Variants in LDLRAP1 observed in about 807,000 individuals in gnomAD.
The protein encoded by LDLRAP1 is low density lipoprotein receptor adapter protein 1.
LDLRAP1 carries 30 observed loss-of-function variants against 37.8 expected under a neutral mutation model. That is an observed-to-expected ratio of 0.79 (90% CI 0.59 to 1.08). The LOEUF is 1.08. LDLRAP1 is among the 50% of genes least tolerant of loss of function. The pLI is 0.00. For synonymous variants in LDLRAP1, 156 were observed against 169.8 expected, an observed-to-expected ratio of 0.92 and a Z score of 0.63; for missense variants, 375 against 401.6, an observed-to-expected ratio of 0.93 and a Z score of 0.57.
At chr1:25,569,870 C>A (rs1442356473), downstream of LDLRAP1, among the ~76,000 whole-genome samples, 3 of 152,200 alleles carry the variant, frequency 2.0e-5, no homozygotes, top group Non-Finnish European at 2.9e-5. Context: ...AGCCGCCAAC[C>A]TGTGTGGCCC....
Position 25,554,794 on chromosome 1 carries a change from T to C in LDLRAP1, c.232-66T>C. On this transcript the variant is annotated intron_variant, in intron 2 of 8. Coordinates refer to ENST00000374338, the MANE Select transcript of LDLRAP1 (RefSeq NM_015627.3). This position sits in a 1 kb window ranked among gnomAD's most constrained non-coding sequence, Gnocchi z 5.4. Reference sequence around the variant, plus strand: ...TGCCTGGGGCTTAGGAACAGTGAAGTGTAAGCCATGAGGGTGGGTCTCAAG... The same window carrying C: ...TGCCTGGGGCTTAGGAACAGTGAAGCGTAAGCCATGAGGGTGGGTCTCAAG... 1 of 1,270,498 alleles carries C rather than the reference T, an allele frequency of 7.9e-7. No individual in the cohort carries two copies. Among genetic ancestry groups the C allele is most frequent in the Admixed American group, 1.8e-5 (1 of 54,550 alleles). 78.7% of individuals were successfully genotyped at this position (1,270,498 alleles called of 1,614,324 possible).
rs1324624068 is a variant in LDLRAP1, at chr1:25,555,577, G to A, written c.344+605G>A. On this transcript the variant is annotated intron_variant, in intron 3 of 8. Transcript: ENST00000374338. The surrounding 1 kb of genome is among the most constrained non-coding windows in gnomAD (Gnocchi z 4.7). Reference sequence around the variant, plus strand: ...GGAATTGCCTAAGGCTGCACAGTGAGGTAGTAGCTAAACTGGAACTAGGAT... The same window carrying A: ...GGAATTGCCTAAGGCTGCACAGTGAAGTAGTAGCTAAACTGGAACTAGGAT... 1.3e-5 allele frequency among the ~76,000 whole-genome samples: 2 copies of A among 152,206 alleles called. No individual in the cohort carries two copies. The highest frequency in any genetic ancestry group is 2.9e-5 in the Non-Finnish European group (2 of 68,040).
intron 6 of LDLRAP1, among the ~76,000 whole-genome samples, chr1:25,563,358 A>C (rs2044392601): frequency 6.6e-6 from 1 of 152,224 alleles, no homozygotes; most frequent in African/African-American, 2.4e-5. Context: ...TTTCTTCTAG[A>C]TATGTCCCTA....
the LDLRAP1 span, among the ~76,000 whole-genome samples, chr1:25,578,573 G>A: frequency 2.6e-5 from 4 of 152,006 alleles, no homozygotes; most frequent in Admixed American, 6.6e-5. Flanking sequence ...GCAGTGCAGT[G>A]GTGTGATCAT....
the LDLRAP1 span, among the ~76,000 whole-genome samples, chr1:25,575,598 A>AAAACAAAC: frequency 4.8e-4 from 73 of 152,174 alleles, no homozygotes; most frequent in African/African-American, 1.7e-3. Context: ...CTGTCTTACA[A>AAAACAAAC]AAACAAACAA....
At chr1:25,573,829 C>T (rs536293987), downstream of LDLRAP1, among the ~76,000 whole-genome samples, 41 of 152,356 alleles carry the variant, frequency 2.7e-4, no homozygotes, top group East Asian at 6.7e-3. Flanking sequence ...GAGCCAGGCT[C>T]ATTCATCCAA....
Position 25,555,737 on chromosome 1 carries a change from G to C in LDLRAP1, c.344+765G>C, listed in dbSNP as rs1389936867. 6.6e-6 allele frequency among the ~76,000 whole-genome samples: 1 copy of C among 152,132 alleles called. No individual in the cohort carries two copies. The highest frequency in any genetic ancestry group is 2.1e-4 in the South Asian group (1 of 4,816). On this transcript the variant is annotated intron_variant, in intron 3 of 8. Transcript: ENST00000374338. The surrounding 1 kb of genome is among the most constrained non-coding windows in gnomAD (Gnocchi z 4.7). ...AGGGTCAGTAGATGTGTGTTGTGGG[G>C]GTCTGGCTGATGTCTTCCTCTCACC...
rs1208679485 is a variant in LDLRAP1 at position 25,554,421 on chromosome 1, G to C, written c.231+357G>C. 6.6e-6 allele frequency among the ~76,000 whole-genome samples: 1 copy of C among 152,168 alleles called. No individual in the cohort carries two copies. Among genetic ancestry groups the C allele is most frequent in the Non-Finnish European group, 1.5e-5 (1 of 68,034 alleles). On this transcript the variant is annotated intron_variant, in intron 2 of 8. Transcript: ENST00000374338. The surrounding 1 kb of genome is among the most constrained non-coding windows in gnomAD (Gnocchi z 5.4). The stretch of plus-strand genomic sequence containing the variant: ...AGCATAGCCCATCAGAGAGCAGATT[G>C]CCCCCTCCCTAACTTTGAGCAAGGG...
the LDLRAP1 span, among the ~76,000 whole-genome samples, chr1:25,579,996 T>C: frequency 6.6e-6 from 1 of 152,160 alleles, no homozygotes; most frequent in Non-Finnish European, 1.5e-5. Flanking sequence ...CTCGCTAATT[T>C]AAGCAGAAAG....
chr1:25,557,332 G>A (rs1200113799), intron 4 of LDLRAP1, 65 bp downstream of exon 4: 2 of 1,293,280 alleles, frequency 1.5e-6, no homozygotes, highest in African/African-American at 1.5e-5. Context: ...TCTGGGTGGG[G>A]GGCTGTCTGG....
chr1:25,553,949 G>A lies in LDLRAP1; in HGVS notation c.116G>A (p.Arg39Gln), dbSNP rs761580368. The A allele has an allele frequency of 4.3e-6, 7 of 1,613,920 alleles. No individual in the cohort carries two copies. Among genetic ancestry groups the A allele is most frequent in the East Asian group, 2.2e-5 (1 of 44,872 alleles). Residue 39 changes from arginine to glutamine, a missense_variant, in exon 2 of 9, where the codon CGG (arginine) becomes CAG (glutamine). By Grantham distance (43) the Arg-to-Gln change is conservative. Coordinates refer to ENST00000374338, the MANE Select transcript of LDLRAP1 (RefSeq NM_015627.3). ...RKLPENWTDT[R>Q]ETLLEGMLFS... ...CTGCCTGAGAACTGGACAGACACGC[G>A]GGAGACGCTGCTGGAGGGGATGCTG...
intron 4 of LDLRAP1, among the ~76,000 whole-genome samples, chr1:25,561,304 T>A (rs191266750): frequency 2.6e-5 from 4 of 152,344 alleles, no homozygotes; most frequent in Admixed American, 2.6e-4. Flanking sequence ...CATATTTAAG[T>A]TTTGCCATAA....
At chr1:25,571,533 G>A (rs905506188), downstream of LDLRAP1, among the ~76,000 whole-genome samples, 4 of 152,322 alleles carry the variant, frequency 2.6e-5, 1 homozygote, top group South Asian at 4.2e-4. Flanking sequence ...GCTGCTGCAC[G>A]GCCCCTGTGC....
chr1:25,564,652 G>A (rs1411436834), intron 7 of LDLRAP1: 1 of 163,996 alleles, frequency 6.1e-6, no homozygotes, highest in Non-Finnish European at 1.3e-5. Context: ...TCACCAGAAG[G>A]CCATGGAGGG....
At chr1:25,573,725 G>A (rs1370440067), downstream of LDLRAP1, among the ~76,000 whole-genome samples, 2 of 152,216 alleles carry the variant, frequency 1.3e-5, no homozygotes, top group African/African-American at 2.4e-5. Context: ...GGACAGCCAT[G>A]TGAGGCCATG....
chr1:25,578,473 C>T, the LDLRAP1 span, among the ~76,000 whole-genome samples: 2 of 152,026 alleles, frequency 1.3e-5, no homozygotes, highest in African/African-American at 4.8e-5. Context: ...GACATCATTA[C>T]CTTATGTGTA....
At position 25,566,829 on chromosome 1, in the gene LDLRAP1, A is replaced by T; in HGVS notation, c.783-19A>T. 6.2e-7 allele frequency: 1 copy of T among 1,602,348 alleles called. No individual in the cohort carries two copies. The highest frequency in any genetic ancestry group is 1.7e-5 in the Admixed American group (1 of 58,720). On this transcript the variant is annotated intron_variant, in intron 8 of 8. Transcript: ENST00000374338. ...CAGCCCTCACCCAGGCTCTCGGCTC[A>T]CACAGCTCTGCCTTCCAGGCTTGCC...
intron 7 of LDLRAP1, 156 bp downstream of exon 7, chr1:25,563,947 GA>G: frequency 3.3e-6 from 3 of 896,252 alleles, no homozygotes; most frequent in Non-Finnish European, 5.3e-6. Context: ...GATAGGGGAT[GA>G]ACAATGTCCC....
chr1:25,578,603 C>T, the LDLRAP1 span, among the ~76,000 whole-genome samples: 1 of 152,104 alleles, frequency 6.6e-6, no homozygotes, highest in Admixed American at 6.5e-5. Context: ...CAGCCTCAAC[C>T]TCCCCGGCCC....
Sources: allele counts gnomAD v4.1 joint callset (sites outside exome capture counted in the v4.1 genomes callset), GRCh38; gene constraint gnomAD v4.1.1; non-coding constraint Gnocchi (gnomAD v3.1); transcripts MANE v1.5; gene names NCBI Gene and HGNC (gene_info 2026-07-23, HGNC 2026-07-21).